The following C12orf42 variants were observed in gnomAD, a reference collection of about 807,000 sequenced individuals.
C12orf42 encodes the protein chromosome 12 open reading frame 42.
A neutral mutation model predicts 21.6 loss-of-function variants in C12orf42; 25 were observed. The ratio of observed to expected loss-of-function variants is 1.16; its 90% CI spans 0.84 to 1.62. The LOEUF is 1.62. Ranked by LOEUF, C12orf42 falls within the 40% of genes most tolerant of loss-of-function variation. The pLI, the probability that C12orf42 is intolerant of heterozygous loss-of-function variation, is 0.00. For missense variants in C12orf42, 483 were observed against 459.3 expected (o/e 1.05, Z -0.47); for synonymous variants, 174 against 175.0 (o/e 0.99, Z 0.05).
intron 10 of C12orf42, among the ~76,000 whole-genome samples, chr12:103,255,344 T>A (rs574103572): frequency 6.6e-6 from 1 of 152,092 alleles, no homozygotes; most frequent in Non-Finnish European, 1.5e-5. Flanking sequence ...TGCACTCCAG[T>A]CTGGCGACAG....
intron 4 of C12orf42, among the ~76,000 whole-genome samples, chr12:103,310,560 G>A (rs1243494592): frequency 6.6e-6 from 1 of 152,168 alleles, no homozygotes; most frequent in African/African-American, 2.4e-5. Flanking sequence ...CCACCAATTT[G>A]TGTCTTTGGC....
chr12:103,412,012 A>C (rs2048889007), intron 2 of C12orf42, among the ~76,000 whole-genome samples: 1 of 152,218 alleles, frequency 6.6e-6, no homozygotes, highest in African/African-American at 2.4e-5. Context: ...GCAACTAATT[A>C]CAATGATCTG....
the C12orf42 span, chr12:103,559,763 T>C: frequency 6.6e-6 from 1 of 152,198 alleles, no homozygotes; most frequent in African/African-American, 2.4e-5. Context: ...CCATTATGCT[T>C]GGCATGTCAT....
chr12:103,188,363 T>C, the C12orf42 span, among the ~76,000 whole-genome samples: 4 of 152,176 alleles, frequency 2.6e-5, no homozygotes, highest in East Asian at 7.7e-4. Flanking sequence ...CGGTGGAGAT[T>C]TGTGAGAACC....
chr12:103,185,759 C>A, the C12orf42 span, among the ~76,000 whole-genome samples: 5 of 152,150 alleles, frequency 3.3e-5, no homozygotes, highest in Non-Finnish European at 5.9e-5. Context: ...TCTGCTTTTG[C>A]ATCTTCTGCA....
chr12:103,513,020 A>T, the C12orf42 span, among the ~76,000 whole-genome samples: 1 of 150,938 alleles, frequency 6.6e-6, no homozygotes. Flanking sequence ...AAAAAAAAGT[A>T]GATAGTAGAC....
At chr12:103,314,155 G>A (rs2039236272) in intron 4 of C12orf42, among the ~76,000 whole-genome samples, 1 of 152,120 alleles carries the variant, frequency 6.6e-6, no homozygotes, top group Admixed American at 6.5e-5. Flanking sequence ...TCAGAACTGA[G>A]AGCAGCCCAG....
rs1300422926 is a variant in C12orf42 at position 103,387,558 on chromosome 12, T to C, written c.147+14049A>G. On this transcript the variant is annotated intron_variant, in intron 3 of 5. Coordinates refer to ENST00000548883, the MANE Select transcript of C12orf42 (RefSeq NM_198521.5). ...CAAGGGGAAGAGGAGTGGGTTGGCC[T>C]CAAGCCAACATCCCTCTTGTCAACC... Among the ~76,000 whole-genome samples the C allele has an allele frequency of 3.9e-5, 6 of 152,350 alleles. No homozygotes were observed. The East Asian group carries it at 1.2e-3, about 29-fold the overall frequency.
intron 2 of C12orf42, among the ~76,000 whole-genome samples, chr12:103,434,250 T>C (rs1430940364): frequency 6.6e-6 from 1 of 152,192 alleles, no homozygotes; most frequent in African/African-American, 2.4e-5. Context: ...GACTAGATCA[T>C]GAGCCATCTC....
At chr12:103,264,954 T>A (rs189711606), downstream of C12orf42, among the ~76,000 whole-genome samples, 7 of 152,128 alleles carry the variant, frequency 4.6e-5, no homozygotes, top group African/African-American at 1.7e-4. Flanking sequence ...CAAAGTGCTA[T>A]ATAGAGTGGG....
chr12:103,368,420 T>C (rs960673755), intron 4 of C12orf42, among the ~76,000 whole-genome samples: 30 of 151,944 alleles, frequency 2.0e-4, no homozygotes, highest in African/African-American at 6.8e-4. Context: ...AAATGTTGAC[T>C]GGTGTATTCC....
chr12:103,161,912 C>T, the C12orf42 span, among the ~76,000 whole-genome samples: 1 of 152,154 alleles, frequency 6.6e-6, no homozygotes, highest in Admixed American at 6.5e-5. Flanking sequence ...TCTTAGAAAA[C>T]TGATCATCAA....
intron 4 of C12orf42, among the ~76,000 whole-genome samples, chr12:103,330,553 G>A (rs894352834): frequency 9.9e-5 from 15 of 152,156 alleles, no homozygotes; most frequent in Non-Finnish European, 1.9e-4. Flanking sequence ...GACTGAATTT[G>A]TTTCAGATAG....
chr12:103,555,764 C>T, the C12orf42 span, among the ~76,000 whole-genome samples: 79 of 151,918 alleles, frequency 5.2e-4, no homozygotes, highest in Non-Finnish European at 6.8e-4. Flanking sequence ...CAGAATTATA[C>T]CTCCAGAGAG....
chr12:103,166,719 C>T, the C12orf42 span, among the ~76,000 whole-genome samples: 1 of 152,102 alleles, frequency 6.6e-6, no homozygotes, highest in Non-Finnish European at 1.5e-5. Flanking sequence ...TCTTCTTGTG[C>T]TGTCTTTACT....
At chr12:103,527,189 A>G in the C12orf42 span, among the ~76,000 whole-genome samples, 1 of 152,110 alleles carries the variant, frequency 6.6e-6, no homozygotes, top group African/African-American at 2.4e-5. Context: ...AAAAAATTTC[A>G]GAAAGAAATG....
At chr12:103,173,638 C>T in the C12orf42 span, among the ~76,000 whole-genome samples, 1 of 152,122 alleles carries the variant, frequency 6.6e-6, no homozygotes, top group Non-Finnish European at 1.5e-5. Flanking sequence ...ACCTCCACTC[C>T]TTCTTCTTAT....
At chr12:103,540,156 T>A in the C12orf42 span, among the ~76,000 whole-genome samples, 1 of 151,476 alleles carries the variant, frequency 6.6e-6, no homozygotes, top group African/African-American at 2.4e-5. Context: ...TACAGGCACA[T>A]GCCACCATGC....
At chr12:103,167,996 T>G in the C12orf42 span, 1 of 441,826 alleles carries the variant, frequency 2.3e-6, no homozygotes, top group African/African-American at 2.3e-5. Context: ...ATTTCCATGT[T>G]TTTAATTGTG....
Sources: gnomAD v4.1 joint callset for allele counts (sites outside exome capture counted in the v4.1 genomes callset) on GRCh38, gnomAD v4.1.1 for gene constraint, MANE v1.5 for transcripts, NCBI Gene and HGNC (gene_info 2026-07-23, HGNC 2026-07-21) for gene names.